CCDC192: variants seen among roughly 807,000 people sequenced by gnomAD.
The protein encoded by CCDC192 is coiled-coil domain-containing protein 192.
At chr5:127,920,407 CTT>C (rs11388727) in intron 6 of CCDC192, among the ~76,000 whole-genome samples, 39 of 115,774 alleles carry the variant, frequency 3.4e-4, no homozygotes, top group African/African-American at 9.6e-4. Flanking sequence ...ACTGAAGAGG[CTT>C]TTTTTTTTTT....
intron 5 of CCDC192, among the ~76,000 whole-genome samples, chr5:127,831,277 T>A (rs1216595276): frequency 6.6e-6 from 1 of 152,186 alleles, no homozygotes; most frequent in Non-Finnish European, 1.5e-5. Flanking sequence ...GTAGTAAAAA[T>A]TAAACATTTA....
chr5:127,907,725 G>A (rs1430159776), intron 6 of CCDC192, among the ~76,000 whole-genome samples: 1 of 152,168 alleles, frequency 6.6e-6, no homozygotes, highest in Non-Finnish European at 1.5e-5. Flanking sequence ...TAGAAGTAAT[G>A]TAGCTCACAT....
chr5:127,837,919 C>T lies in CCDC192; in HGVS notation c.412-37619C>T, dbSNP rs752265425. ...AAGGGAATTGCTTGAACCCAGGAGG[C>T]GGAGGTTGCAGTGAGCTGAGATTGC... On this transcript the variant is annotated intron_variant, in intron 5 of 6. Transcript: ENST00000514853. Among the ~76,000 whole-genome samples the T allele has an allele frequency of 3.9e-5, 6 of 152,018 alleles. No individual in the cohort carries two copies. In the South Asian group the frequency reaches 6.2e-4, roughly 16 times the overall value.
chr5:127,811,275 T>C (rs1368408894), intron 5 of CCDC192, among the ~76,000 whole-genome samples: 4 of 152,218 alleles, frequency 2.6e-5, no homozygotes, highest in Non-Finnish European at 4.4e-5. Context: ...CAGGTTGTTT[T>C]ATTAATGAGA....
chr5:127,787,660 C>T lies in CCDC192; in HGVS notation c.223-9443C>T, dbSNP rs913823656. 2.0e-5 allele frequency among the ~76,000 whole-genome samples: 3 copies of T among 152,062 alleles called. No homozygotes were observed. In the East Asian group the frequency reaches 5.8e-4, roughly 29 times the overall value. On this transcript the variant is annotated intron_variant, in intron 3 of 6. Transcript: ENST00000514853. Reference sequence around the variant, plus strand: ...TTTATGAACCAAATTATAGCCTATCCTGGAGAATGCTTCATGTGCACTTGA... The same window carrying T: ...TTTATGAACCAAATTATAGCCTATCTTGGAGAATGCTTCATGTGCACTTGA...
intron 2 of CCDC192, among the ~76,000 whole-genome samples, chr5:127,733,216 T>C (rs1456923267): frequency 6.6e-6 from 1 of 152,138 alleles, no homozygotes; most frequent in African/African-American, 2.4e-5. Flanking sequence ...GCCAAGAGTT[T>C]CTGGTCCTTA....
chr5:127,876,484 C>T (rs1352734207), intron 6 of CCDC192, among the ~76,000 whole-genome samples: 2 of 152,120 alleles, frequency 1.3e-5, no homozygotes, highest in African/African-American at 2.4e-5. Context: ...CTAGAGCAGC[C>T]GCTGACCATA....
intron 2 of CCDC192, among the ~76,000 whole-genome samples, chr5:127,750,572 GA>G (rs1375812052): frequency 7.0e-6 from 1 of 142,304 alleles, no homozygotes; most frequent in Admixed American, 7.1e-5. Flanking sequence ...GTGTGGTGCT[GA>G]AAAAAATGTA....
intron 6 of CCDC192, among the ~76,000 whole-genome samples, chr5:127,927,717 T>C (rs966697048): frequency 6.6e-6 from 1 of 152,184 alleles, no homozygotes; most frequent in African/African-American, 2.4e-5. Flanking sequence ...CAGATCTCTC[T>C]GGATGTCTGG....
At chr5:127,922,895 G>A (rs1753761017) in intron 6 of CCDC192, among the ~76,000 whole-genome samples, 1 of 152,212 alleles carries the variant, frequency 6.6e-6, no homozygotes, top group Non-Finnish European at 1.5e-5. Context: ...CAAGCTGCCT[G>A]TTTTTCTGTA....
chr5:127,906,117 G>A (rs1458749257), intron 6 of CCDC192, among the ~76,000 whole-genome samples: 1 of 151,928 alleles, frequency 6.6e-6, no homozygotes, highest in African/African-American at 2.4e-5. Context: ...AACCATCACC[G>A]CCACCATCCA....
chr5:127,743,366 C>A (rs796114232), intron 2 of CCDC192, among the ~76,000 whole-genome samples: 2 of 152,158 alleles, frequency 1.3e-5, no homozygotes, highest in Admixed American at 6.6e-5. Flanking sequence ...CTAAATCATC[C>A]CTTCGTTTAA....
chr5:127,816,363 A>T (rs994016027), intron 5 of CCDC192, among the ~76,000 whole-genome samples: 4 of 152,222 alleles, frequency 2.6e-5, no homozygotes, highest in African/African-American at 9.6e-5. Context: ...CAAATTTGGG[A>T]TAAGCTTGTA....
intron 2 of CCDC192, among the ~76,000 whole-genome samples, chr5:127,737,458 G>A (rs1000050726): frequency 6.6e-5 from 10 of 151,814 alleles, no homozygotes; most frequent in African/African-American, 2.4e-4. Context: ...GCTTGGTGCA[G>A]AGCTGAGTTC....
intron 2 of CCDC192, among the ~76,000 whole-genome samples, chr5:127,711,749 T>C (rs1472446611): frequency 2.6e-5 from 4 of 152,180 alleles, no homozygotes; most frequent in Admixed American, 1.3e-4. Flanking sequence ...ATGAGAACAA[T>C]ATAAAATTGT....
chr5:127,792,369 G>A (rs1456486759), intron 3 of CCDC192, among the ~76,000 whole-genome samples: 8 of 152,050 alleles, frequency 5.3e-5, no homozygotes, highest in Non-Finnish European at 2.9e-5. Flanking sequence ...CAGATCTTGT[G>A]AGAACTCACT....
chr5:127,889,202 T>A (rs1752658690), intron 6 of CCDC192, among the ~76,000 whole-genome samples: 1 of 152,126 alleles, frequency 6.6e-6, no homozygotes, highest in South Asian at 2.1e-4. Flanking sequence ...TTTACTTCTA[T>A]TATATAAAAA....
chr5:127,719,550 T>C lies in CCDC192; in HGVS notation c.114+11790T>C, dbSNP rs377064800. 6.7e-3 allele frequency among the ~76,000 whole-genome samples: 434 copies of C among 64,464 alleles called. 18 individuals carry two copies. In the Middle Eastern group the frequency reaches 0.095, roughly 14 times the overall value. 42.3% of individuals were successfully genotyped at this position (64,464 alleles called of 152,430 possible). Reference sequence around the variant, plus strand: ...ACACACATACATATATATATATATATATATATATACACACATACATATATA... The same window carrying C: ...ACACACATACATATATATATATATACATATATATACACACATACATATATA... On this transcript the variant is annotated intron_variant, in intron 2 of 6. Transcript: ENST00000514853.
chr5:127,860,137 C>T (rs1751294079), intron 5 of CCDC192, among the ~76,000 whole-genome samples: 1 of 152,178 alleles, frequency 6.6e-6, no homozygotes, highest in Non-Finnish European at 1.5e-5. Flanking sequence ...TAAAGCCTGT[C>T]ACAAAACATT....
Sources: gnomAD v4.1 joint callset for allele counts (sites outside exome capture counted in the v4.1 genomes callset) on GRCh38, gnomAD v4.1.1 for gene constraint, MANE v1.5 for transcripts, NCBI Gene and HGNC (gene_info 2026-07-23, HGNC 2026-07-21) for gene names.